The following LGSN variants were observed in gnomAD, a reference collection of about 807,000 sequenced individuals.
The protein encoded by LGSN is lengsin.
A neutral mutation model predicts 19.5 loss-of-function variants in LGSN; 21 were observed. The ratio of observed to expected loss-of-function variants is 1.07; its 90% confidence interval spans 0.76 to 1.55. LGSN has a LOEUF of 1.55. Among genes scored for constraint, LGSN ranks in the 40% most tolerant of loss-of-function variants. The pLI, the probability that LGSN is intolerant of heterozygous loss-of-function variation, is 0.00. For synonymous variants in LGSN, 257 were observed against 215.6 expected (o/e 1.19, Z -1.68); for missense variants, 673 against 608.5 (o/e 1.11, Z -1.12).
At chr6:63,442,516 C>A in the LGSN span, among the ~76,000 whole-genome samples, 11 of 152,302 alleles carry the variant, frequency 7.2e-5, no homozygotes, top group Middle Eastern at 3.4e-3. Context: ...TACTTACAAT[C>A]CTCTAGCTAG....
the LGSN span, among the ~76,000 whole-genome samples, chr6:63,526,623 C>G: frequency 9.9e-5 from 15 of 151,492 alleles, no homozygotes; most frequent in Non-Finnish European, 1.6e-4. Context: ...TCCTGGCCAC[C>G]ATGGTGAAAC....
At chr6:63,289,442 T>C (rs1377813411) in intron 2 of LGSN, among the ~76,000 whole-genome samples, 3 of 152,158 alleles carry the variant, frequency 2.0e-5, no homozygotes, top group African/African-American at 7.2e-5. Flanking sequence ...CCTTTCCCAG[T>C]TGCACATGAT....
At chr6:63,353,601 A>G in the LGSN span, among the ~76,000 whole-genome samples, 11 of 149,530 alleles carry the variant, frequency 7.4e-5, no homozygotes, top group African/African-American at 1.9e-4. Flanking sequence ...AAAAAAAAAA[A>G]AAAAAAGAAA....
At chr6:63,296,895 C>G (rs140525071) in intron 1 of LGSN, among the ~76,000 whole-genome samples, 1 of 152,062 alleles carries the variant, frequency 6.6e-6, no homozygotes, top group African/African-American at 2.4e-5. Flanking sequence ...TTTCAACATG[C>G]CATTCTGCTT....
the LGSN span, among the ~76,000 whole-genome samples, chr6:63,412,768 AAAGGAAGG>A: frequency 2.6e-4 from 6 of 22,766 alleles, no homozygotes; most frequent in South Asian, 3.0e-3. Flanking sequence ...AGAAAGAAAG[AAAGGAAGG>A]AAGGGAAGGA....
chr6:63,285,888 T>C (rs1023179514), intron 2 of LGSN, 135 bp from the exon 3 acceptor site: 2 of 683,136 alleles, frequency 2.9e-6, no homozygotes, highest in East Asian at 2.7e-5. Flanking sequence ...GGCTTAGAGT[T>C]GGATATCTTA....
the LGSN span, among the ~76,000 whole-genome samples, chr6:63,401,128 G>A: frequency 2.0e-5 from 3 of 152,062 alleles, no homozygotes; most frequent in African/African-American, 4.8e-5. Flanking sequence ...TATGCACAGG[G>A]ATAAACTCAG....
chr6:63,433,557 T>C, the LGSN span, among the ~76,000 whole-genome samples: 2 of 152,228 alleles, frequency 1.3e-5, no homozygotes, highest in African/African-American at 4.8e-5. Context: ...TGAACTAGTA[T>C]TCAATGTGTC....
the LGSN span, among the ~76,000 whole-genome samples, chr6:63,545,310 G>A: frequency 6.6e-6 from 1 of 152,076 alleles, no homozygotes; most frequent in South Asian, 2.1e-4. Context: ...AGAAATCTCT[G>A]GGCGTGGAAA....
the LGSN span, among the ~76,000 whole-genome samples, chr6:63,493,594 T>C: frequency 6.6e-6 from 1 of 152,224 alleles, no homozygotes; most frequent in African/African-American, 2.4e-5. Context: ...CTTGGGTCTC[T>C]GTTGTTGACA....
the LGSN span, among the ~76,000 whole-genome samples, chr6:63,544,717 T>A: frequency 7.9e-5 from 12 of 152,186 alleles, no homozygotes; most frequent in Admixed American, 1.3e-4. Flanking sequence ...TTTTCTGATG[T>A]TTCCTCATGA....
the LGSN span, among the ~76,000 whole-genome samples, chr6:63,356,859 T>C: frequency 6.6e-6 from 1 of 151,928 alleles, no homozygotes; most frequent in African/African-American, 2.4e-5. Flanking sequence ...ACTTTAAGTT[T>C]TAGGGTACAT....
the LGSN span, chr6:63,443,664 T>C: frequency 1.5e-6 from 1 of 663,818 alleles, no homozygotes; most frequent in South Asian, 6.3e-5. Flanking sequence ...CAAACTCTTT[T>C]TAGCATCAGA....
chr6:63,463,447 A>T, the LGSN span, among the ~76,000 whole-genome samples: 2 of 152,294 alleles, frequency 1.3e-5, no homozygotes, highest in Admixed American at 1.3e-4. Flanking sequence ...ATATCTAGGA[A>T]TGCTAAAATA....
the LGSN span, chr6:63,572,604 T>TCCGCCACGACCACCGCCGCC: frequency 2.4e-6 from 1 of 418,396 alleles, no homozygotes; most frequent in African/African-American, 2.1e-5. Flanking sequence ...CCACCGCCGC[T>TCCGCCACGACCACCGCCGCC]CCGCCACGAC....
chr6:63,546,293 CACAT>C, the LGSN span, among the ~76,000 whole-genome samples: 1 of 152,308 alleles, frequency 6.6e-6, no homozygotes, highest in South Asian at 2.1e-4. Flanking sequence ...CACAGAAAGA[CACAT>C]ACTCTATGAT....
chr6:63,406,985 G>C, the LGSN span, among the ~76,000 whole-genome samples: 2 of 152,172 alleles, frequency 1.3e-5, no homozygotes, highest in Admixed American at 1.3e-4. Context: ...CCAGGAAGAA[G>C]TTGATTCTCT....
chr6:63,488,086 G>A, the LGSN span, among the ~76,000 whole-genome samples: 1 of 152,154 alleles, frequency 6.6e-6, no homozygotes, highest in Admixed American at 6.5e-5. Flanking sequence ...GCACATCAGG[G>A]AAGTTTTTCC....
the LGSN span, among the ~76,000 whole-genome samples, chr6:63,456,644 G>C: frequency 1.3e-5 from 2 of 151,868 alleles, no homozygotes; most frequent in African/African-American, 4.8e-5. Flanking sequence ...ATACTCAATA[G>C]AGCCTCCTCA....
Sources: allele counts gnomAD v4.1 joint callset (sites outside exome capture counted in the v4.1 genomes callset), GRCh38; gene constraint gnomAD v4.1.1; transcripts MANE v1.5; gene names NCBI Gene and HGNC (gene_info 2026-07-23, HGNC 2026-07-21).